Variants in MCM10 observed in about 807,000 individuals in gnomAD.
MCM10 encodes minichromosome maintenance 10 replication initiation factor, also known as protein MCM10 homolog.
Under a neutral mutation model 109.9 loss-of-function variants are expected in MCM10, and 91 were observed. The ratio of observed to expected loss-of-function variants is 0.83; its 90% CI spans 0.70 to 0.99. MCM10 has a LOEUF of 0.99. Among genes scored for constraint, MCM10 ranks in the 50% least tolerant of loss-of-function variants. The pLI is 0.00. For missense variants in MCM10, 1,077 were observed against 1,061.2 expected, an observed-to-expected ratio of 1.01 and a Z score of -0.21; for synonymous variants, 380 against 387.2, an observed-to-expected ratio of 0.98 and a Z score of 0.22.
chr10:13,195,257 A>C lies in MCM10; in HGVS notation c.1962A>C (p.Ala654=). ...PPPRPKLSAL[A]EAKKLAAITK... ...CAAGACCAAAACTGAGTGCTTTAGC[A>C]GAAGCCAAAAAGGTAACTGGCATCT... The change falls in exon 14 of 20, where the codon GCA becomes GCC. Residue 654 remains alanine (A), a synonymous_variant. Transcript: ENST00000378714. 1.3e-6 allele frequency: 2 copies of C among 1,599,242 alleles called. No homozygotes were observed. Among genetic ancestry groups the C allele is most frequent in the Non-Finnish European group, 1.7e-6 (2 of 1,171,736 alleles).
intron 13 of MCM10, among the ~76,000 whole-genome samples, chr10:13,194,051 G>A (rs927694142): frequency 6.6e-6 from 1 of 150,652 alleles, no homozygotes; most frequent in Non-Finnish European, 1.5e-5. Flanking sequence ...GATTTCTGGG[G>A]TTTGTTATTT....
chr10:13,166,680 ATATATAT>A (rs1564379629), intron 2 of MCM10, among the ~76,000 whole-genome samples: 24 of 133,322 alleles, frequency 1.8e-4, no homozygotes, highest in Admixed American at 1.5e-3. Context: ...ATATATATAT[ATATATAT>A]ATCATCAGCT....
chr10:13,188,749 G>A (rs1024742439), intron 9 of MCM10, 132 bp from the exon 10 acceptor site: 29 of 777,608 alleles, frequency 3.7e-5, no homozygotes, highest in Admixed American at 9.0e-5. Flanking sequence ...CATTGGGAAC[G>A]GTCGTGGAGG....
chr10:13,170,678 TTTTGTTTGTTTG>T (rs747445575), intron 2 of MCM10, among the ~76,000 whole-genome samples: 2 of 151,476 alleles, frequency 1.3e-5, no homozygotes, highest in South Asian at 4.2e-4. Context: ...TTTTTGTTTT[TTTTGTTTGTTTG>T]TTTGTTTGTT....
chr10:13,184,334 G>T (rs1834247737), intron 8 of MCM10, among the ~76,000 whole-genome samples: 1 of 152,132 alleles, frequency 6.6e-6, no homozygotes, highest in South Asian at 2.1e-4. Context: ...CAAGAAAGCA[G>T]TGTTTTATAG....
chr10:13,198,782 C>A lies in MCM10; in HGVS notation c.2213C>A (p.Ser738Ter). 1 of 1,612,818 alleles carries A rather than the reference C, an allele frequency of 6.2e-7. No homozygotes were observed. Among genetic ancestry groups the A allele is most frequent in the South Asian group, 1.1e-5 (1 of 91,044 alleles). The part of the protein sequence containing the change: ...EEFQKILKAK[S>*]KHTGILKEAE... ...TTTCAGAAAATCCTAAAAGCAAAAT[C>A]AAAACACACAGGCATCCTGAAAGAG... Residue 738 changes from serine (S) to a stop codon, truncating the protein, a stop_gained, in exon 16 of 20, where the codon TCA (serine) becomes TAA (stop). Coordinates refer to ENST00000378714, the MANE Select transcript of MCM10 (RefSeq NM_018518.5). LOFTEE classifies it high-confidence loss of function.
intron 2 of MCM10, among the ~76,000 whole-genome samples, chr10:13,166,208 T>C (rs1833994760): frequency 6.6e-6 from 1 of 151,962 alleles, no homozygotes; most frequent in Non-Finnish European, 1.5e-5. Context: ...TGGGACCCAA[T>C]GTAAGAATGT....
chr10:13,175,488 A>G, intron 5 of MCM10, 22 bp from the exon 6 acceptor site: 1 of 1,610,252 alleles, frequency 6.2e-7, no homozygotes, highest in Non-Finnish European at 8.5e-7. Flanking sequence ...TTGCCTTTTC[A>G]TTAATTGTGT....
chr10:13,197,948 C>G (rs1196352959), intron 15 of MCM10, among the ~76,000 whole-genome samples, 181 bp downstream of exon 15: 1 of 143,048 alleles, frequency 7.0e-6, no homozygotes, highest in African/African-American at 2.6e-5. Flanking sequence ...GAGTCTTGCT[C>G]TGTTGCCAGG....
intron 8 of MCM10, among the ~76,000 whole-genome samples, chr10:13,185,295 T>C (rs1834260125): frequency 6.6e-6 from 1 of 152,184 alleles, no homozygotes; most frequent in African/African-American, 2.4e-5. Context: ...GATCTTGTCC[T>C]AGGAGGGGTG....
At chr10:13,166,050 CA>C (rs1316958026) in intron 2 of MCM10, among the ~76,000 whole-genome samples, 1 of 151,830 alleles carries the variant, frequency 6.6e-6, no homozygotes, top group Non-Finnish European at 1.5e-5. Context: ...AGAAAGATAA[CA>C]AAACAATAAA....
intron 1 of MCM10, among the ~76,000 whole-genome samples, chr10:13,161,834 C>A (rs187690999): frequency 1.2e-3 from 183 of 152,338 alleles, no homozygotes; most frequent in African/African-American, 4.1e-3. Flanking sequence ...TCGGGTTCTT[C>A]CTTTTAAACG....
chr10:13,163,720 C>A (rs534123483), intron 1 of MCM10, among the ~76,000 whole-genome samples: 1 of 152,044 alleles, frequency 6.6e-6, no homozygotes, highest in Non-Finnish European at 1.5e-5. Context: ...TTAAAAAAGA[C>A]AAGGTCTTGC....
intron 17 of MCM10, chr10:13,201,837 T>A (rs1472691640): frequency 6.7e-6 from 2 of 297,942 alleles, no homozygotes; most frequent in African/African-American, 4.3e-5. Flanking sequence ...GACTGCTCTT[T>A]CTCAGGTTTT....
intron 10 of MCM10, among the ~76,000 whole-genome samples, chr10:13,191,034 A>T (rs899747285): frequency 1.3e-5 from 2 of 152,110 alleles, no homozygotes; most frequent in Admixed American, 6.5e-5. Flanking sequence ...GGATCAAAGC[A>T]TTGGCTTTTT....
Position 13,198,611 on chromosome 10 carries a change from G to A in MCM10, c.2120-78G>A. The A allele has an allele frequency of 4.5e-6, 4 of 886,158 alleles. No individual in the cohort carries two copies. In the South Asian group the frequency reaches 5.5e-5, roughly 12 times the overall value. 54.9% of individuals were successfully genotyped at this position (886,158 alleles called of 1,614,324 possible). The stretch of plus-strand genomic sequence containing the variant: ...TGGTAGGCAGAGGAGGAGGGAGTGG[G>A]AGGGAGTAGAGTTGATGAGGCGCAC... On this transcript the variant is annotated intron_variant, in intron 15 of 19. Coordinates refer to ENST00000378714, the MANE Select transcript of MCM10 (RefSeq NM_018518.5).
chr10:13,191,354 G>A lies in MCM10; in HGVS notation c.1471G>A (p.Val491Ile). The change falls in exon 11 of 20, where the codon GTT (valine) becomes ATT (isoleucine). Residue 491 changes from valine to isoleucine, a missense_variant. Val to Ile is a conservative substitution (Grantham distance 29, BLOSUM62 3). Transcript: ENST00000378714. The part of the protein sequence containing the change: ...KIQTTLSNLV[V>I]KGTNLIIQET... The stretch of plus-strand genomic sequence containing the variant: ...TCAAACCACTCTGAGTAATCTGGTT[G>A]TTAAGGGCACAAACTTGATCATCCA... 5.6e-6 allele frequency: 9 copies of A among 1,614,118 alleles called. No individual in the cohort carries two copies. Among genetic ancestry groups the A allele is most frequent in the Non-Finnish European group, 7.6e-6 (9 of 1,180,010 alleles).
chr10:13,195,305 G>C, intron 14 of MCM10, 36 bp downstream of exon 14: 1 of 1,504,956 alleles, frequency 6.6e-7, no homozygotes, highest in Non-Finnish European at 9.0e-7. Context: ...ACTTGAGTTT[G>C]CATTCTGTAG....
intron 5 of MCM10, among the ~76,000 whole-genome samples, chr10:13,174,985 G>A (rs1379042102): frequency 6.6e-6 from 1 of 152,040 alleles, no homozygotes; most frequent in African/African-American, 2.4e-5. Context: ...AAAATTAGCC[G>A]GACGTGGTGG....
Sources: gnomAD v4.1 joint callset for allele counts (sites outside exome capture counted in the v4.1 genomes callset) on GRCh38, gnomAD v4.1.1 for gene constraint, MANE v1.5 for transcripts, NCBI Gene and HGNC (gene_info 2026-07-23, HGNC 2026-07-21) for gene names.